TBC1D22A: variants seen among roughly 807,000 people sequenced by gnomAD.
TBC1D22A encodes the protein TBC1 domain family member 22A, also known as putative GTPase activator.
Under a neutral mutation model 60.2 loss-of-function variants are expected in TBC1D22A, and 38 were observed. The ratio of observed to expected loss-of-function variants is 0.63; its 90% CI spans 0.49 to 0.83. TBC1D22A has a LOEUF of 0.83. Among genes scored for constraint, TBC1D22A ranks in the 40% least tolerant of loss-of-function variants. The pLI, the probability that TBC1D22A is intolerant of heterozygous loss-of-function variation, is 0.00. For missense variants in TBC1D22A, 628 were observed against 701.0 expected, an observed-to-expected ratio of 0.90 and a Z score of 1.18; for synonymous variants, 302 against 281.7, an observed-to-expected ratio of 1.07 and a Z score of -0.72.
At chr22:46,921,833 T>C (rs2147846233) in intron 8 of TBC1D22A, among the ~76,000 whole-genome samples, 1 of 152,312 alleles carries the variant, frequency 6.6e-6, no homozygotes, top group South Asian at 2.1e-4. Flanking sequence ...TATTTTCTCC[T>C]GTAGGTTGTA....
chr22:47,055,148 A>G (rs2063352748), intron 11 of TBC1D22A, among the ~76,000 whole-genome samples: 1 of 152,216 alleles, frequency 6.6e-6, no homozygotes, highest in Admixed American at 6.5e-5. Context: ...GGTCTACCCC[A>G]AAGCCCACAC....
rs144976626 is a variant in TBC1D22A, at chr22:47,126,023, C to T, written c.1425+14420C>T. ...TTGAGACAGAGTCTCGCTCTGTCGG[C>T]CAGGTTGGAGTGCAGTGGCACGATC... On this transcript the variant is annotated intron_variant, in intron 12 of 12. Coordinates refer to ENST00000337137, the MANE Select transcript of TBC1D22A (RefSeq NM_014346.5). Among the ~76,000 whole-genome samples the T allele has an allele frequency of 2.9e-4, 44 of 152,260 alleles. 1 individual carries two copies. In the East Asian group the frequency reaches 5.4e-3, roughly 19 times the overall value.
chr22:46,954,408 C>T (rs1024182842), intron 8 of TBC1D22A, among the ~76,000 whole-genome samples: 6 of 152,172 alleles, frequency 3.9e-5, no homozygotes, highest in African/African-American at 9.7e-5. Context: ...GTTGAATGAA[C>T]GAATTGGATT....
intron 10 of TBC1D22A, among the ~76,000 whole-genome samples, chr22:47,012,712 G>A: frequency 6.6e-6 from 1 of 152,186 alleles, no homozygotes; most frequent in Non-Finnish European, 1.5e-5. Context: ...CTTTTGGACT[G>A]TGGCCTTCAG....
At chr22:46,830,798 G>C (rs1602058019) in intron 4 of TBC1D22A, among the ~76,000 whole-genome samples, 1 of 152,252 alleles carries the variant, frequency 6.6e-6, no homozygotes. Context: ...AAGTGGCCTG[G>C]AAAAGTGCAG....
intron 11 of TBC1D22A, among the ~76,000 whole-genome samples, chr22:47,074,521 T>C (rs533012388): frequency 1.4e-4 from 21 of 152,376 alleles, no homozygotes; most frequent in African/African-American, 4.3e-4. Context: ...GCGTCTCTCA[T>C]TGATCCTCAG....
chr22:46,900,124 A>G (rs1202061503), intron 7 of TBC1D22A, among the ~76,000 whole-genome samples: 1 of 150,116 alleles, frequency 6.7e-6, no homozygotes, highest in African/African-American at 2.5e-5. Context: ...TTTTAGGTTT[A>G]TAATTGGATG....
intron 11 of TBC1D22A, among the ~76,000 whole-genome samples, chr22:47,110,936 T>A (rs976762177): frequency 2.6e-5 from 4 of 152,190 alleles, no homozygotes; most frequent in Non-Finnish European, 5.9e-5. Flanking sequence ...CCTTGTTTGA[T>A]GACAGTGAGG....
chr22:47,101,737 C>T (rs775488711), intron 11 of TBC1D22A, among the ~76,000 whole-genome samples: 1 of 152,098 alleles, frequency 6.6e-6, no homozygotes, highest in Non-Finnish European at 1.5e-5. Context: ...GTGGGGGCAC[C>T]GAGTTAGGTG....
Position 46,810,442 on chromosome 22 carries a change from C to CA in TBC1D22A, c.637+12834dup, listed in dbSNP as rs1164536934. 1.7e-3 allele frequency among the ~76,000 whole-genome samples: 200 copies of CA among 119,798 alleles called. 3 individuals carry two copies. Among genetic ancestry groups the CA allele is most frequent in the East Asian group, 0.016 (67 of 4,180 alleles). The allele number at this position is 119,798 out of a possible 152,430, so 78.6% of individuals were successfully genotyped here. On this transcript the variant is annotated intron_variant, in intron 4 of 12. Transcript: ENST00000337137. Reference sequence around the variant, plus strand: ...AGTGTTACGTGCCCCTTTTCTCACTCAAAAAAAAAAAAGTATATATTTATG... The same window carrying CA: ...AGTGTTACGTGCCCCTTTTCTCACTCAAAAAAAAAAAAAGTATATATTTATG...
intron 9 of TBC1D22A, among the ~76,000 whole-genome samples, chr22:46,995,660 C>T (rs1832020976): frequency 6.6e-6 from 1 of 152,166 alleles, no homozygotes; most frequent in Non-Finnish European, 1.5e-5. Flanking sequence ...CTCCTGGGTT[C>T]TGGAGCTGGG....
At chr22:47,090,243 G>A (rs1366051737) in intron 11 of TBC1D22A, among the ~76,000 whole-genome samples, 1 of 152,162 alleles carries the variant, frequency 6.6e-6, no homozygotes, top group Non-Finnish European at 1.5e-5. Context: ...GCCAGCATCC[G>A]CCAGCTCATG....
chr22:46,866,924 T>C (rs1398943899), intron 4 of TBC1D22A, among the ~76,000 whole-genome samples: 1 of 152,228 alleles, frequency 6.6e-6, no homozygotes, highest in Non-Finnish European at 1.5e-5. Flanking sequence ...ACGGCATGGA[T>C]CACCAAGGAC....
At chr22:46,934,886 G>A (rs1418334884) in intron 8 of TBC1D22A, among the ~76,000 whole-genome samples, 4 of 152,208 alleles carry the variant, frequency 2.6e-5, no homozygotes, top group African/African-American at 9.7e-5. Flanking sequence ...AGCGTGTGGT[G>A]GCCACAGCGT....
chr22:46,940,550 A>AGG (rs2071932634), intron 8 of TBC1D22A, among the ~76,000 whole-genome samples: 1 of 145,474 alleles, frequency 6.9e-6, no homozygotes, highest in South Asian at 2.2e-4. Flanking sequence ...ATATATATGT[A>AGG]TGTGTATGTA....
intron 4 of TBC1D22A, among the ~76,000 whole-genome samples, chr22:46,815,465 C>T (rs576266844): frequency 2.8e-4 from 42 of 152,246 alleles, no homozygotes; most frequent in Non-Finnish European, 5.1e-4. Flanking sequence ...GTACGCAATC[C>T]TACTTCCCCT....
At chr22:46,988,747 A>G (rs1035832104) in intron 9 of TBC1D22A, among the ~76,000 whole-genome samples, 2 of 152,220 alleles carry the variant, frequency 1.3e-5, no homozygotes, top group Non-Finnish European at 2.9e-5. Context: ...ATGCTTCTTA[A>G]GGGTCCTAGG....
At chr22:46,991,486 C>T (rs193204388) in intron 9 of TBC1D22A, among the ~76,000 whole-genome samples, 1 of 152,314 alleles carries the variant, frequency 6.6e-6, no homozygotes, top group Non-Finnish European at 1.5e-5. Flanking sequence ...GAACAAATGG[C>T]AAGTCCTACG....
chr22:46,871,627 G>A (rs2067297453), intron 4 of TBC1D22A, among the ~76,000 whole-genome samples: 1 of 152,126 alleles, frequency 6.6e-6, no homozygotes, highest in South Asian at 2.1e-4. Flanking sequence ...AAATCACAAG[G>A]AAAGTTTGAA....
Sources: allele counts gnomAD v4.1 joint callset (sites outside exome capture counted in the v4.1 genomes callset), GRCh38; gene constraint gnomAD v4.1.1; transcripts MANE v1.5; gene names NCBI Gene and HGNC (gene_info 2026-07-23, HGNC 2026-07-21).